RYR1: variants seen among roughly 807,000 people sequenced by gnomAD.
RYR1 encodes the protein ryanodine receptor 1, also known as central core disease of muscle.
In RYR1, 342 loss-of-function variants were observed where a neutral mutation model predicts 583.5. That is an observed-to-expected ratio of 0.59 (90% CI 0.54 to 0.64). The LOEUF (loss-of-function observed/expected upper bound fraction) is 0.64. Among genes scored for constraint, RYR1 ranks in the 30% least tolerant of loss-of-function variants. RYR1 has a pLI of 0.00. For missense variants in RYR1, 6,032 were observed against 6,917.2 expected (o/e 0.87, Z 4.54); for synonymous variants, 2,791 against 2,822.5 (o/e 0.99, Z 0.35).
Position 38,517,499 on chromosome 19 carries a change from A to G in RYR1, c.9826A>G (p.Met3276Val), listed in dbSNP as rs1568528315. The G allele has an allele frequency of 5.0e-6, 8 of 1,613,932 alleles. No homozygotes were observed. The highest frequency in any genetic ancestry group is 6.8e-6 in the Non-Finnish European group (8 of 1,180,000). ...MPHVIEITLP[M>V]LCSYLPRWWE... ...GCATGTCATCGAGATCACGCTGCCCATGCTATGCAGCTACCTGCCCCGATG... is the reference window on the plus strand; with the variant it reads ...GCATGTCATCGAGATCACGCTGCCCGTGCTATGCAGCTACCTGCCCCGATG... The change falls in exon 66 of 106, where the codon ATG becomes GTG. Residue 3276 changes from methionine to valine, a missense_variant. This residue lies in a region of RYR1 where 1,493 missense variants were observed against 1,715.5 expected (regional missense o/e 0.87). Transcript: ENST00000359596.
chr19:38,494,908 A>G (rs1969744166), intron 39 of RYR1, among the ~76,000 whole-genome samples: 1 of 139,232 alleles, frequency 7.2e-6, no homozygotes. Flanking sequence ...GCTGGAGTGC[A>G]ATGGCGCAAT....
Position 38,535,235 on chromosome 19 carries a change from G to C in RYR1, c.11439+15G>C. On this transcript the variant is annotated intron_variant, in intron 80 of 105. Coordinates refer to ENST00000359596, the MANE Select transcript of RYR1 (RefSeq NM_000540.3). ...AGGTCCAGCAGGTAACAGAGGCAAA[G>C]GGACTTCAGAAGAAGGCAAGGAGGG... 6.2e-7 allele frequency: 1 copy of C among 1,614,086 alleles called. No individual in the cohort carries two copies. The highest frequency in any genetic ancestry group is 1.1e-5 in the South Asian group (1 of 91,084).
Position 38,451,813 on chromosome 19 carries a change from G to C in RYR1, c.1172G>C (p.Arg391Pro). The C allele has an allele frequency of 1.2e-6, 2 of 1,614,048 alleles. No homozygotes were observed. The highest frequency in any genetic ancestry group is 1.7e-6 in the Non-Finnish European group (2 of 1,180,004). ...ATGGACGACGCACTGTCGCTGACCC[G>C]CTGCCAGCAGGAGGAGTCCCAGGCC... Reference protein sequence around the residue: ...GHMDDALSLTRCQQEESQAAR... With the variant: ...GHMDDALSLTPCQQEESQAAR... The change falls in exon 12 of 106, where the codon CGC becomes CCC. Residue 391 changes from arginine to proline, a missense_variant. Arg to Pro is a moderately radical substitution (Grantham distance 103). Around this residue, in one of 11 missense-constraint regions of RYR1, gnomAD observed 338 missense variants for 441.6 expected, o/e 0.77. Coordinates refer to ENST00000359596, the MANE Select transcript of RYR1 (RefSeq NM_000540.3).
intron 66 of RYR1, among the ~76,000 whole-genome samples, chr19:38,518,155 A>C (rs745601551): frequency 6.6e-6 from 1 of 151,748 alleles, no homozygotes; most frequent in Non-Finnish European, 1.5e-5. Flanking sequence ...AGAAAGAAGG[A>C]AGGATGGAGT....
At chr19:38,478,912 C>A (rs1030756028) in intron 31 of RYR1, among the ~76,000 whole-genome samples, 5 of 152,122 alleles carry the variant, frequency 3.3e-5, no homozygotes, top group Non-Finnish European at 7.3e-5. Context: ...GGATTACAGG[C>A]GAGCACCACA....
intron 24 of RYR1, 42 bp from the exon 25 acceptor site, chr19:38,467,568 A>G: frequency 6.2e-7 from 1 of 1,608,288 alleles, no homozygotes; most frequent in Admixed American, 1.7e-5. Flanking sequence ...TGGGATCCAC[A>G]TCTTCCCTAG....
chr19:38,499,040 CAG>C lies in RYR1; in HGVS notation c.6892-65_6892-64del, dbSNP rs1401647758. ...AGCCGCAGGGCAGGGCAGGGCAGGGCAGAGGGCTGAGCCCCAGGAGGAAGGTG... is the reference window on the plus strand; with the variant it reads ...AGCCGCAGGGCAGGGCAGGGCAGGGCAGGGCTGAGCCCCAGGAGGAAGGTG... On this transcript the variant is annotated intron_variant, in intron 42 of 105. Coordinates refer to ENST00000359596, the MANE Select transcript of RYR1 (RefSeq NM_000540.3). This position sits in a 1 kb window ranked among gnomAD's most constrained non-coding sequence, Gnocchi z 7.3. 3 of 1,590,540 alleles carry C rather than the reference CAG, an allele frequency of 1.9e-6. No individual in the cohort carries two copies. The highest frequency in any genetic ancestry group is 1.7e-5 in the Admixed American group (1 of 58,404).
rs767181960 is a variant in RYR1, at chr19:38,466,120, C to T, written c.2900C>T (p.Ala967Val). The T allele has an allele frequency of 1.2e-6, 2 of 1,612,650 alleles. No homozygotes were observed. The highest frequency in any genetic ancestry group is 1.7e-5 in the Admixed American group (1 of 59,916). The change falls in exon 24 of 106, where the codon GCT becomes GTT. Residue 967 changes from alanine (A) to valine (V), a missense_variant. Transcript: ENST00000359596. ...ATGATGAGCAATGGGTACAAGCCGG[C>T]TCCGCTGGACCTGAGCCACGTGCGG... ...TYMMSNGYKPAPLDLSHVRLT... is the reference protein window; with the variant it reads ...TYMMSNGYKPVPLDLSHVRLT...
chr19:38,515,349 C>T (rs1049288105), intron 64 of RYR1, among the ~76,000 whole-genome samples: 1 of 152,124 alleles, frequency 6.6e-6, no homozygotes, highest in African/African-American at 2.4e-5. Context: ...GAAAGGGAGG[C>T]GCAGACCACG....
At chr19:38,572,311 C>T (rs1208846525) in intron 95 of RYR1, 41 bp downstream of exon 95, 1 of 208,558 alleles carries the variant, frequency 4.8e-6, no homozygotes, top group Non-Finnish European at 8.6e-6. Context: ...GGCTTATTGG[C>T]TGGGTGGGGG....
At position 38,481,224 on chromosome 19, in the gene RYR1, T is replaced by A. The variant is rs1968993617; in HGVS notation, c.4621-1803T>A. ...TTACTGCAGCCTCAACCTCCTGGGA[T>A]CAAACGATCCTCCCACCTCAGCCTC... On this transcript the variant is annotated intron_variant, in intron 31 of 105. Coordinates refer to ENST00000359596, the MANE Select transcript of RYR1 (RefSeq NM_000540.3). Among the ~76,000 whole-genome samples, 3 of 152,076 alleles carry A rather than the reference T, an allele frequency of 2.0e-5. No homozygotes were observed. The South Asian group carries it at 6.2e-4, about 32-fold the overall frequency.
chr19:38,532,425 GA>G, intron 76 of RYR1, 64 bp from the exon 77 acceptor site: 1 of 1,550,610 alleles, frequency 6.4e-7, no homozygotes, highest in Non-Finnish European at 8.9e-7. Context: ...ACCCTGCCCA[GA>G]AGCTCTTATA....
chr19:38,571,219 C>G (rs897040759), intron 94 of RYR1, among the ~76,000 whole-genome samples: 2 of 152,100 alleles, frequency 1.3e-5, no homozygotes, highest in African/African-American at 4.8e-5. Context: ...TTCTGTGGGA[C>G]CCAGAAGTCC....
At position 38,486,006 on chromosome 19, in the gene RYR1, C is replaced by T; in HGVS notation, c.5351C>T (p.Ala1784Val). The T allele has an allele frequency of 1.2e-6, 2 of 1,613,520 alleles. No homozygotes were observed. Among genetic ancestry groups the T allele is most frequent in the Non-Finnish European group, 1.7e-6 (2 of 1,179,924 alleles). ...CATTTCTCGCCCCCCTGTTTCGTGG[C>T]CGCTCTGCCAGCTGCTGGGGCAGCA... ...PHHFSPPCFV[A>V]ALPAAGAAEA... The change falls in exon 34 of 106, where the codon GCC becomes GTC. Residue 1784 changes from alanine (A) to valine (V), a missense_variant. Physicochemically the swap from Ala to Val is moderately conservative, Grantham distance 64. Transcript: ENST00000359596.
intron 11 of RYR1, among the ~76,000 whole-genome samples, chr19:38,451,112 C>T (rs978752178): frequency 6.6e-6 from 1 of 152,246 alleles, no homozygotes; most frequent in Non-Finnish European, 1.5e-5. Context: ...CCACTTACTA[C>T]AGCCTTGCTG....
At chr19:38,527,886 T>C (rs1971543791) in intron 73 of RYR1, 102 bp downstream of exon 73, 2 of 1,430,588 alleles carry the variant, frequency 1.4e-6, no homozygotes, top group Middle Eastern at 2.4e-4. Context: ...GACTATTAAG[T>C]TTTGGGGCAG....
intron 38 of RYR1, among the ~76,000 whole-genome samples, chr19:38,493,676 T>C (rs543683228): frequency 3.3e-5 from 5 of 152,114 alleles, no homozygotes; most frequent in African/African-American, 1.2e-4. Context: ...CGCAGCACCA[T>C]GCCTGGCTAA....
intron 56 of RYR1, 49 bp downstream of exon 56, chr19:38,506,595 T>C: frequency 1.2e-6 from 2 of 1,604,648 alleles, no homozygotes; most frequent in Non-Finnish European, 1.7e-6. Context: ...ATTCACCGTG[T>C]GGTTTTGCTG....
chr19:38,527,195 C>G (rs537042543), intron 72 of RYR1, 143 bp downstream of exon 72: 4 of 881,284 alleles, frequency 4.5e-6, no homozygotes, highest in Non-Finnish European at 5.4e-6. Context: ...GCCAATGTGG[C>G]GAAACCATGT....
Sources: allele counts gnomAD v4.1 joint callset (sites outside exome capture counted in the v4.1 genomes callset), GRCh38; gene constraint gnomAD v4.1.1; regional missense constraint gnomAD v4.1.1; non-coding constraint Gnocchi (gnomAD v3.1); transcripts MANE v1.5; gene names NCBI Gene and HGNC (gene_info 2026-07-23, HGNC 2026-07-21).